Variants in CTNNA3 observed in about 807,000 individuals in gnomAD.
The protein encoded by CTNNA3 is catenin alpha 3.
CTNNA3 carries 76 observed loss-of-function variants against 95.7 expected under a neutral mutation model. The ratio of observed to expected loss-of-function variants is 0.79; its 90% CI spans 0.66 to 0.96. The LOEUF (loss-of-function observed/expected upper bound fraction) is 0.96. Ranked by LOEUF, CTNNA3 falls within the 40% of genes least tolerant of loss-of-function variation. CTNNA3 has a pLI of 0.00. For synonymous variants in CTNNA3, 431 were observed against 374.4 expected (o/e 1.15, Z -1.74); for missense variants, 1,191 against 1,089.8 (o/e 1.09, Z -1.31).
At chr10:67,073,060 A>G (rs758631316) in intron 7 of CTNNA3, among the ~76,000 whole-genome samples, 4 of 152,208 alleles carry the variant, frequency 2.6e-5, no homozygotes, top group Admixed American at 1.3e-4. Flanking sequence ...TCCAGTCCTC[A>G]GACCACACTC....
chr10:67,217,700 GTCT>G lies in CTNNA3; in HGVS notation c.843+1904_843+1906del, dbSNP rs1448348965. 7.9e-5 allele frequency among the ~76,000 whole-genome samples: 12 copies of G among 152,300 alleles called. No homozygotes were observed. In the East Asian group the frequency reaches 1.9e-3, roughly 24 times the overall value. On this transcript the variant is annotated intron_variant, in intron 6 of 17. Transcript: ENST00000433211. ...TCAGAAGGAGGAACAATTTGGAAAT[GTCT>G]TCTTCTTTAATCCTAAAATACAGAA...
chr10:67,102,754 G>T (rs557294746), intron 7 of CTNNA3, among the ~76,000 whole-genome samples: 29 of 151,688 alleles, frequency 1.9e-4, no homozygotes, highest in Admixed American at 1.8e-3. Flanking sequence ...TTTTTAAATT[G>T]ATTTCCATAT....
chr10:66,028,950 G>A (rs1444774269), intron 15 of CTNNA3, among the ~76,000 whole-genome samples: 3 of 151,944 alleles, frequency 2.0e-5, no homozygotes, highest in African/African-American at 7.3e-5. Context: ...AAACTAAAAG[G>A]TACTTTCAGT....
chr10:66,607,899 GCT>G (rs1298082884), intron 10 of CTNNA3, among the ~76,000 whole-genome samples: 3 of 152,124 alleles, frequency 2.0e-5, no homozygotes, highest in Non-Finnish European at 4.4e-5. Context: ...AGATAAGGAT[GCT>G]CTGTCTCACC....
intron 1 of CTNNA3, among the ~76,000 whole-genome samples, chr10:67,691,048 C>A (rs372953552): frequency 2.0e-5 from 3 of 152,246 alleles, no homozygotes; most frequent in Non-Finnish European, 4.4e-5. Flanking sequence ...CGCGCCGCCA[C>A]GCCTGACTGG....
At chr10:66,529,502 A>G (rs1841392461) in intron 10 of CTNNA3, among the ~76,000 whole-genome samples, 1 of 150,828 alleles carries the variant, frequency 6.6e-6, no homozygotes, top group Non-Finnish European at 1.5e-5. Flanking sequence ...AAATGAACAC[A>G]TATTCAACTG....
chr10:66,519,207 CACAA>C (rs1215778008), intron 11 of CTNNA3, among the ~76,000 whole-genome samples: 1 of 152,054 alleles, frequency 6.6e-6, no homozygotes, highest in Non-Finnish European at 1.5e-5. Flanking sequence ...GTTCTTACAA[CACAA>C]ACAAAACTTG....
At chr10:66,109,029 A>G (rs1789816927) in intron 13 of CTNNA3, among the ~76,000 whole-genome samples, 1 of 152,222 alleles carries the variant, frequency 6.6e-6, no homozygotes, top group South Asian at 2.1e-4. Context: ...TAAAAAGTTT[A>G]TGATTCCATA....
At chr10:66,010,245 A>C (rs1340490040) in intron 15 of CTNNA3, among the ~76,000 whole-genome samples, 1 of 152,150 alleles carries the variant, frequency 6.6e-6, no homozygotes, top group Non-Finnish European at 1.5e-5. Context: ...CCAAATAGAA[A>C]CTGTCAATGA....
At chr10:67,096,745 AC>A (rs1385011814) in intron 7 of CTNNA3, among the ~76,000 whole-genome samples, 1 of 151,798 alleles carries the variant, frequency 6.6e-6, no homozygotes, top group Non-Finnish European at 1.5e-5. Flanking sequence ...CACTTTTAGA[AC>A]TTGCTTTCTT....
chr10:66,655,761 A>G (rs976518166), intron 9 of CTNNA3, among the ~76,000 whole-genome samples: 8 of 151,996 alleles, frequency 5.3e-5, no homozygotes, highest in African/African-American at 1.9e-4. Flanking sequence ...GATAACTAGG[A>G]ATTACAGAAG....
chr10:67,431,757 G>A (rs1051235992), intron 5 of CTNNA3, among the ~76,000 whole-genome samples: 4 of 151,758 alleles, frequency 2.6e-5, no homozygotes, highest in African/African-American at 9.7e-5. Context: ...ATTTTTTTAA[G>A]GAATATAAAT....
At chr10:66,117,870 C>T (rs928145776) in intron 13 of CTNNA3, among the ~76,000 whole-genome samples, 5 of 152,184 alleles carry the variant, frequency 3.3e-5, no homozygotes, top group South Asian at 2.1e-4. Flanking sequence ...CATAACACCA[C>T]GGAGCTGGTG....
At chr10:67,062,385 T>A (rs1855811179) in intron 7 of CTNNA3, among the ~76,000 whole-genome samples, 1 of 152,186 alleles carries the variant, frequency 6.6e-6, no homozygotes, top group South Asian at 2.1e-4. Context: ...AGTTTTAAAA[T>A]TAGTGGTGCT....
chr10:67,671,383 A>G (rs1299366395), intron 1 of CTNNA3, among the ~76,000 whole-genome samples: 1 of 151,954 alleles, frequency 6.6e-6, no homozygotes, highest in Non-Finnish European at 1.5e-5. Flanking sequence ...TTATACTTTA[A>G]GTTTTAGGGT....
intron 12 of CTNNA3, among the ~76,000 whole-genome samples, chr10:66,354,314 T>TA (rs71466865): frequency 1.4e-3 from 205 of 146,456 alleles, no homozygotes; most frequent in East Asian, 6.0e-3. Flanking sequence ...CTATGAACAC[T>TA]AAAAAAAAAA....
chr10:67,064,056 G>A (rs184322347), intron 7 of CTNNA3, among the ~76,000 whole-genome samples: 7 of 152,130 alleles, frequency 4.6e-5, no homozygotes, highest in Non-Finnish European at 8.8e-5. Flanking sequence ...TATACCTGAC[G>A]CTTCAGCTTT....
chr10:67,637,501 G>A (rs1008114745), intron 2 of CTNNA3, among the ~76,000 whole-genome samples: 1 of 152,098 alleles, frequency 6.6e-6, no homozygotes, highest in African/African-American at 2.4e-5. Context: ...TCAAATTCAG[G>A]AAATACAGAG....
At chr10:66,366,967 A>G (rs908579556) in intron 12 of CTNNA3, among the ~76,000 whole-genome samples, 28 of 152,132 alleles carry the variant, frequency 1.8e-4, no homozygotes, top group African/African-American at 6.0e-4. Flanking sequence ...GGTTTGCAAA[A>G]TTCTATGGAA....
Sources: allele counts gnomAD v4.1 joint callset (sites outside exome capture counted in the v4.1 genomes callset), GRCh38; gene constraint gnomAD v4.1.1; transcripts MANE v1.5; gene names NCBI Gene and HGNC (gene_info 2026-07-23, HGNC 2026-07-21).